The following TMEM8B variants were observed in gnomAD, a reference collection of about 807,000 sequenced individuals.
TMEM8B encodes nasopharyngeal carcinoma expressed 6.
TMEM8B carries 29 observed loss-of-function variants against 49.3 expected under a neutral mutation model. That is an observed-to-expected ratio of 0.59 (90% confidence interval 0.44 to 0.80). The LOEUF (loss-of-function observed/expected upper bound fraction) is 0.80. Among genes scored for constraint, TMEM8B ranks in the 30% least tolerant of loss-of-function variants. TMEM8B has a pLI of 0.00. For synonymous variants in TMEM8B, 264 were observed against 272.8 expected (o/e 0.97, Z 0.32); for missense variants, 575 against 658.5 (o/e 0.87, Z 1.39).
rs1388984649 is a variant in TMEM8B at position 35,858,223 on chromosome 9, C to T, written c.*4383C>T. Reference sequence around the variant, plus strand: ...AAGTTCAAGCGATCCTCCCTAGTAGCTGGGATTACAGGTGCACCACCACAC... The same window carrying T: ...AAGTTCAAGCGATCCTCCCTAGTAGTTGGGATTACAGGTGCACCACCACAC... On this transcript the variant is annotated 3_prime_UTR_variant, in exon 13 of 13. Coordinates refer to ENST00000643932, the MANE Select transcript of TMEM8B (RefSeq NM_001042590.4). 1 of 151,684 alleles carries T rather than the reference C, an allele frequency of 6.6e-6. No individual in the cohort carries two copies. The highest frequency in any genetic ancestry group is 6.6e-5 in the Admixed American group (1 of 15,174). The allele number at this position is 151,684 out of a possible 1,614,324, so 9.4% of individuals were successfully genotyped here. A position where few individuals can be genotyped will look rare whatever the true frequency, so the allele number is the denominator to read the frequency against.
At chr9:35,849,855 A>C (rs776589212) in intron 10 of TMEM8B, among the ~76,000 whole-genome samples, 1 of 152,236 alleles carries the variant, frequency 6.6e-6, no homozygotes, top group Non-Finnish European at 1.5e-5. Context: ...TAATTGTGCA[A>C]CTTGAACCCG....
chr9:35,839,918 C>T (rs567313078), intron 3 of TMEM8B, among the ~76,000 whole-genome samples: 1 of 152,320 alleles, frequency 6.6e-6, no homozygotes, highest in Admixed American at 6.5e-5. Flanking sequence ...ATGCAAAAGG[C>T]ACAGACCTTC....
intron 6 of TMEM8B, 46 bp from the exon 7 acceptor site, chr9:35,845,929 G>A (rs777136960): frequency 4.2e-5 from 68 of 1,610,552 alleles, no homozygotes; most frequent in Non-Finnish European, 5.0e-5. Context: ...GCGGTGGGTG[G>A]AGATGGAGGA....
rs1361825873 is a variant in TMEM8B at position 35,848,827 on chromosome 9, AC to A, written c.2175+1834del. On this transcript the variant is annotated intron_variant, in intron 10 of 12. Transcript: ENST00000643932. ...GTAGCTGGGACTACAGGCGCATGCCACCACACCTAGCTAATTTTTGTATTTT... is the reference window on the plus strand; with the variant it reads ...GTAGCTGGGACTACAGGCGCATGCCACACACCTAGCTAATTTTTGTATTTT... 5.3e-5 allele frequency among the ~76,000 whole-genome samples: 8 copies of A among 151,906 alleles called. No individual in the cohort carries two copies. In the East Asian group the frequency reaches 9.7e-4, roughly 18 times the overall value.
rs1832684209 is a variant in TMEM8B, at chr9:35,863,535, G to C, written c.*9695G>C. 1 of 152,210 alleles carries C rather than the reference G, an allele frequency of 6.6e-6. No homozygotes were observed. Among genetic ancestry groups the C allele is most frequent in the South Asian group, 2.1e-4 (1 of 4,826 alleles). The allele number at this position is 152,210 out of a possible 1,614,324, so 9.4% of individuals were successfully genotyped here. A position where few individuals can be genotyped will look rare whatever the true frequency, so the allele number is the denominator to read the frequency against. On this transcript the variant is annotated 3_prime_UTR_variant, in exon 13 of 13. Coordinates refer to ENST00000643932, the MANE Select transcript of TMEM8B (RefSeq NM_001042590.4). ...ACATCAGATAGAAGCTGGTTCCCAT[G>C]GTGGCTGGGTTGGGATGGGCTAAGT...
At chr9:35,851,574 C>T (rs1159495316) in intron 10 of TMEM8B, among the ~76,000 whole-genome samples, 2 of 152,190 alleles carry the variant, frequency 1.3e-5, no homozygotes, top group African/African-American at 2.4e-5. Context: ...CAAGCCCTTT[C>T]GAAAGCCTGG....
chr9:35,845,036 G>A (rs1831383719), intron 6 of TMEM8B, among the ~76,000 whole-genome samples: 1 of 152,122 alleles, frequency 6.6e-6, no homozygotes. Flanking sequence ...ATTGCCCCGG[G>A]CTTGCATTGA....
intron 10 of TMEM8B, 83 bp downstream of exon 10, chr9:35,847,078 A>G (rs1048467440): frequency 1.2e-6 from 2 of 1,614,216 alleles, no homozygotes; most frequent in Non-Finnish European, 1.7e-6. Context: ...ACGTTCTCCG[A>G]GGGTTTGGGA....
rs754673581 is a variant in TMEM8B at position 35,859,767 on chromosome 9, C to T, written c.*5927C>T. 6.5e-6 allele frequency: 1 copy of T among 154,404 alleles called. No homozygotes were observed. Among genetic ancestry groups the T allele is most frequent in the Non-Finnish European group, 1.5e-5 (1 of 68,444 alleles). The allele number at this position is 154,404 out of a possible 1,614,324, so 9.6% of individuals were successfully genotyped here. On this transcript the variant is annotated 3_prime_UTR_variant, in exon 13 of 13. Transcript: ENST00000643932. ...CATGAGAGGCACAAAGGAGGAGGTG[C>T]CGCAGATGTCCATGAGGGAGAGGTT... is the stretch of plus-strand genomic sequence containing the variant.
rs760684061 is a variant in TMEM8B, at chr9:35,846,946, G to C, written c.2126G>C (p.Arg709Pro). The change falls in exon 10 of 13, where the codon CGA becomes CCA. Residue 709 changes from arginine to proline, a missense_variant. By Grantham distance (103) the Arg-to-Pro change is moderately radical. Transcript: ENST00000643932. ...LPPVVLAIRSRYVLEAAVYTF... is the reference protein window; with the variant it reads ...LPPVVLAIRSPYVLEAAVYTF... The stretch of plus-strand genomic sequence containing the variant: ...CCTGTGGTCCTGGCCATTCGGAGTC[G>C]ATATGTGCTGGAAGCTGCAGTCTAC... 8.7e-6 allele frequency: 14 copies of C among 1,614,210 alleles called. No individual in the cohort carries two copies. Among genetic ancestry groups the C allele is most frequent in the Non-Finnish European group, 1.2e-5 (14 of 1,180,032 alleles).
At chr9:35,832,116 C>G (rs1829959936) in intron 1 of TMEM8B, among the ~76,000 whole-genome samples, 1 of 151,784 alleles carries the variant, frequency 6.6e-6, no homozygotes, top group African/African-American at 2.4e-5. Context: ...TTTTATTCTA[C>G]CTAGTGCTAT....
rs1832339413 is a variant in TMEM8B, at chr9:35,853,473, A to G, written c.2440-32A>G. Reference sequence around the variant, plus strand: ...TCTGGCTTGGGTTCCAGGGCTTGGCATTCCTGAGCCCCACTTCTCTGTCTC... The same window carrying G: ...TCTGGCTTGGGTTCCAGGGCTTGGCGTTCCTGAGCCCCACTTCTCTGTCTC... On this transcript the variant is annotated intron_variant, in intron 12 of 12. Transcript: ENST00000643932. The surrounding 1 kb of genome is among the most constrained non-coding windows in gnomAD (Gnocchi z 4.2). 6.3e-7 allele frequency: 1 copy of G among 1,590,334 alleles called. No individual in the cohort carries two copies. Among genetic ancestry groups the G allele is most frequent in the Non-Finnish European group, 8.6e-7 (1 of 1,169,150 alleles).
chr9:35,833,889 C>T (rs1470840500), intron 1 of TMEM8B, among the ~76,000 whole-genome samples: 2 of 152,120 alleles, frequency 1.3e-5, no homozygotes, highest in Admixed American at 6.5e-5. Context: ...TGTGAGGCTG[C>T]TGAGGGTTTT....
Position 35,841,858 on chromosome 9 carries a change from G to A in TMEM8B, c.1309+64G>A, listed in dbSNP as rs993736761. The A allele has an allele frequency of 1.2e-4, 48 of 414,864 alleles. No homozygotes were observed. Among genetic ancestry groups the A allele is most frequent in the Non-Finnish European group, 4.9e-5 (11 of 226,324 alleles). 25.7% of individuals were successfully genotyped at this position (414,864 alleles called of 1,614,324 possible). A position where few individuals can be genotyped will look rare whatever the true frequency, so the allele number is the denominator to read the frequency against. On this transcript the variant is annotated intron_variant, in intron 5 of 12. Coordinates refer to ENST00000643932, the MANE Select transcript of TMEM8B (RefSeq NM_001042590.4). The surrounding 1 kb of genome is among the most constrained non-coding windows in gnomAD (Gnocchi z 5.9). ...CTGTGGTTGGGAAGTGACTTGGGTG[G>A]CTGTGTTCAGTGGCCCTCTGCCATA... is the stretch of plus-strand genomic sequence containing the variant.
rs1196221557 is a variant in TMEM8B at position 35,853,183 on chromosome 9, CA to C, written c.2366del (p.Gln789ArgfsTer148). The C allele has an allele frequency of 6.2e-7, 1 of 1,614,176 alleles. No individual in the cohort carries two copies. The highest frequency in any genetic ancestry group is 8.5e-7 in the Non-Finnish European group (1 of 1,179,996). The stretch of plus-strand genomic sequence containing the variant: ...AGCTATGCTGCTGTCCATGGCTCTG[CA>C]GCTTGACCGACATGGACTCTGGAAC... Reference protein sequence around the residue: ...LGAMLLSMALQLDRHGLWNLL... With the variant: ...LGAMLLSMALXLDRHGLWNLL... On this transcript the variant is annotated frameshift_variant, in exon 12 of 13. Transcript: ENST00000643932. LOFTEE classifies it high-confidence loss of function. This position sits in a 1 kb window ranked among gnomAD's most constrained non-coding sequence, Gnocchi z 4.2.
chr9:35,836,414 G>A (rs541801720), intron 3 of TMEM8B, among the ~76,000 whole-genome samples: 2 of 152,324 alleles, frequency 1.3e-5, no homozygotes, highest in South Asian at 4.1e-4. Flanking sequence ...TCCCAACAGG[G>A]ATGTTCTTTA....
At chr9:35,838,316 A>G (rs1830639875) in intron 3 of TMEM8B, among the ~76,000 whole-genome samples, 1 of 151,802 alleles carries the variant, frequency 6.6e-6, no homozygotes, top group Non-Finnish European at 1.5e-5. Flanking sequence ...AGTCCCCTAT[A>G]TTACTCTTTT....
intron 3 of TMEM8B, among the ~76,000 whole-genome samples, chr9:35,835,648 G>A (rs1830376374): frequency 6.6e-6 from 1 of 152,252 alleles, no homozygotes; most frequent in Admixed American, 6.5e-5. Flanking sequence ...CCACGGCCCA[G>A]TATTTAGTCC....
In TMEM8B at chr9:35,854,920, G is replaced by A. The variant is rs1300894786; in HGVS notation, c.*1080G>A. 2 of 152,200 alleles carry A rather than the reference G, an allele frequency of 1.3e-5. No individual in the cohort carries two copies. The highest frequency in any genetic ancestry group is 4.8e-5 in the African/African-American group (2 of 41,418). 9.4% of individuals were successfully genotyped at this position (152,200 alleles called of 1,614,324 possible). On this transcript the variant is annotated 3_prime_UTR_variant, in exon 13 of 13. Transcript: ENST00000643932. ...CTCTTTCCATGAGGGTCATAGCTGA[G>A]TTCTGAGGGTCTTACATAATGCCAA... is the stretch of plus-strand genomic sequence containing the variant.
Sources: gnomAD v4.1 joint callset for allele counts (sites outside exome capture counted in the v4.1 genomes callset) on GRCh38, gnomAD v4.1.1 for gene constraint, Gnocchi (gnomAD v3.1) non-coding constraint, MANE v1.5 for transcripts, NCBI Gene and HGNC (gene_info 2026-07-23, HGNC 2026-07-21) for gene names.